TPRG1: variants seen among roughly 807,000 people sequenced by gnomAD.
TPRG1 encodes the protein tumor protein p63-regulated gene 1 protein.
In TPRG1, 29 loss-of-function variants were observed where a neutral mutation model predicts 29.3. That is an observed-to-expected ratio of 0.99 (90% CI 0.74 to 1.35). TPRG1 has a LOEUF of 1.35. TPRG1 is among the 40% of genes most tolerant of loss of function. The probability of loss-of-function intolerance (pLI) is 0.00; values close to 1 mark genes in which losing one functional copy is unlikely to be tolerated. For missense variants in TPRG1, 327 were observed against 335.0 expected (o/e 0.98, Z 0.19); for synonymous variants, 130 against 116.8 (o/e 1.11, Z -0.73).
intron 4 of TPRG1, among the ~76,000 whole-genome samples, chr3:189,094,168 T>C (rs759750842): frequency 3.3e-5 from 5 of 152,060 alleles, no homozygotes; most frequent in Non-Finnish European, 7.4e-5. Context: ...TAAACAGAGA[T>C]ATTTTTGGGA....
At chr3:189,259,702 T>G (rs1047847221) in intron 4 of TPRG1, among the ~76,000 whole-genome samples, 1 of 151,962 alleles carries the variant, frequency 6.6e-6, no homozygotes. Flanking sequence ...ACTCCTGATC[T>G]CAAGTGATCC....
chr3:189,130,099 C>A (rs965150720), intron 2 of TPRG1, among the ~76,000 whole-genome samples: 2 of 152,164 alleles, frequency 1.3e-5, no homozygotes, highest in Admixed American at 1.3e-4. Flanking sequence ...ATGGCAAGCT[C>A]AGCTCTGAGT....
chr3:189,320,284 C>T (rs1408894427), intron 5 of TPRG1, among the ~76,000 whole-genome samples: 5 of 151,886 alleles, frequency 3.3e-5, no homozygotes, highest in African/African-American at 1.2e-4. Context: ...GTACTAATAC[C>T]GATGCAAATT....
intron 4 of TPRG1, among the ~76,000 whole-genome samples, chr3:189,025,232 G>A (rs996279159): frequency 6.6e-6 from 1 of 152,142 alleles, no homozygotes; most frequent in African/African-American, 2.4e-5. Flanking sequence ...GGCTCATGAG[G>A]GGATATCCTG....
intron 4 of TPRG1, among the ~76,000 whole-genome samples, chr3:189,268,378 T>A (rs1341411530): frequency 3.3e-5 from 5 of 152,140 alleles, no homozygotes; most frequent in Non-Finnish European, 5.9e-5. Context: ...AATACCACAA[T>A]CCTGTTATTT....
chr3:189,082,867 C>T (rs1335045073), intron 4 of TPRG1, among the ~76,000 whole-genome samples: 4 of 152,288 alleles, frequency 2.6e-5, no homozygotes, highest in Non-Finnish European at 4.4e-5. Context: ...CACTCAAGAA[C>T]GTACATTCAC....
chr3:189,020,324 A>C (rs1364185784), intron 3 of TPRG1, among the ~76,000 whole-genome samples: 1 of 151,412 alleles, frequency 6.6e-6, no homozygotes, highest in Non-Finnish European at 1.5e-5. Context: ...TTGTGATGTT[A>C]GGGTGTCAAT....
chr3:189,021,843 A>C (rs1389669496), intron 3 of TPRG1, among the ~76,000 whole-genome samples: 1 of 152,080 alleles, frequency 6.6e-6, no homozygotes, highest in Non-Finnish European at 1.5e-5. Context: ...ACTTGGTTCC[A>C]TTCTCCCCAT....
chr3:189,223,745 C>T (rs1461916976), intron 3 of TPRG1, among the ~76,000 whole-genome samples: 1 of 152,090 alleles, frequency 6.6e-6, no homozygotes, highest in Non-Finnish European at 1.5e-5. Flanking sequence ...GTTTTGTGAT[C>T]TATAAAATAG....
chr3:189,094,602 A>G (rs983094421), intron 4 of TPRG1, among the ~76,000 whole-genome samples: 9 of 152,060 alleles, frequency 5.9e-5, no homozygotes, highest in Non-Finnish European at 1.0e-4. Context: ...TGCATCTTAA[A>G]TTTGCGTCAT....
chr3:189,156,465 A>G (rs555291482), intron 5 of TPRG1, among the ~76,000 whole-genome samples: 7 of 152,314 alleles, frequency 4.6e-5, no homozygotes, highest in Admixed American at 4.6e-4. Flanking sequence ...AGTGATGTTT[A>G]CCCATGGATG....
chr3:189,037,570 A>G (rs1714352083), intron 4 of TPRG1, among the ~76,000 whole-genome samples: 2 of 151,922 alleles, frequency 1.3e-5, no homozygotes, highest in African/African-American at 4.8e-5. Context: ...ATATTAGACA[A>G]GAAAACATTA....
intron 1 of TPRG1, among the ~76,000 whole-genome samples, chr3:189,117,740 G>A (rs1048803891): frequency 1.3e-5 from 2 of 152,186 alleles, no homozygotes; most frequent in African/African-American, 2.4e-5. Flanking sequence ...ATTCCATCCT[G>A]CCACCATGTG....
At chr3:189,186,510 C>T (rs1730938965) in intron 1 of TPRG1, among the ~76,000 whole-genome samples, 1 of 152,136 alleles carries the variant, frequency 6.6e-6, no homozygotes, top group South Asian at 2.1e-4. Flanking sequence ...CAATTTTCTG[C>T]AAACATTTAA....
At chr3:189,267,185 T>C (rs1411199086) in intron 4 of TPRG1, among the ~76,000 whole-genome samples, 1 of 152,238 alleles carries the variant, frequency 6.6e-6, no homozygotes, top group Non-Finnish European at 1.5e-5. Flanking sequence ...TACAGTAACA[T>C]GCTGTTACAT....
intron 4 of TPRG1, among the ~76,000 whole-genome samples, chr3:189,306,996 T>C (rs942394840): frequency 2.0e-5 from 3 of 152,236 alleles, no homozygotes; most frequent in Non-Finnish European, 2.9e-5. Flanking sequence ...TAACCCATCA[T>C]AGCAGCTCAG....
intron 3 of TPRG1, among the ~76,000 whole-genome samples, chr3:189,012,878 C>A (rs1202651989): frequency 6.6e-6 from 1 of 151,700 alleles, no homozygotes; most frequent in African/African-American, 2.4e-5. Context: ...TTTGAATCTT[C>A]TCTCTTTTCT....
chr3:189,057,743 T>C (rs928640450), intron 4 of TPRG1, among the ~76,000 whole-genome samples: 1 of 147,244 alleles, frequency 6.8e-6, no homozygotes, highest in Non-Finnish European at 1.5e-5. Flanking sequence ...TATTAGTATA[T>C]ATATACATAT....
chr3:189,044,796 A>G (rs759217279), intron 4 of TPRG1, among the ~76,000 whole-genome samples: 2 of 152,346 alleles, frequency 1.3e-5, no homozygotes, highest in South Asian at 2.1e-4. Context: ...GGACTTTTAT[A>G]TAAAATGGAT....
Sources: gnomAD v4.1 joint callset for allele counts (sites outside exome capture counted in the v4.1 genomes callset) on GRCh38, gnomAD v4.1.1 for gene constraint, MANE v1.5 for transcripts, NCBI Gene and HGNC (gene_info 2026-07-23, HGNC 2026-07-21) for gene names.